The following DENND6A variants were observed in gnomAD, a reference collection of about 807,000 sequenced individuals.
The protein encoded by DENND6A is DENN domain containing 6A, also known as protein DENND6A.
DENND6A carries 43 observed loss-of-function variants against 95.5 expected under a neutral mutation model. That is an observed-to-expected ratio of 0.45 (90% CI 0.35 to 0.58). DENND6A has a LOEUF of 0.58. Ranked by LOEUF, DENND6A falls within the 20% of genes least tolerant of loss-of-function variation. DENND6A has a pLI of 0.00. For missense variants in DENND6A, 574 were observed against 736.0 expected, an observed-to-expected ratio of 0.78 and a Z score of 2.55; for synonymous variants, 257 against 260.4, an observed-to-expected ratio of 0.99 and a Z score of 0.13.
At chr3:57,637,818 TAAATA>T (rs2070830788) in intron 12 of DENND6A, among the ~76,000 whole-genome samples, 2 of 112,202 alleles carry the variant, frequency 1.8e-5, no homozygotes, top group Non-Finnish European at 3.9e-5. Context: ...AAAAAATAAA[TAAATA>T]AGACTATTAA....
At chr3:57,629,636 C>T (rs748978908) in intron 18 of DENND6A, among the ~76,000 whole-genome samples, 2 of 150,982 alleles carry the variant, frequency 1.3e-5, no homozygotes, top group Non-Finnish European at 3.0e-5. Flanking sequence ...CTCAGCCTCC[C>T]GAGTAGCTGG....
chr3:57,631,035 C>T, intron 15 of DENND6A, 57 bp from the exon 16 acceptor site: 2 of 1,546,666 alleles, frequency 1.3e-6, no homozygotes, highest in Non-Finnish European at 1.8e-6. Flanking sequence ...TTAAACAGAC[C>T]TACTTAAAAG....
chr3:57,673,010 T>C (rs1192889466), intron 1 of DENND6A, among the ~76,000 whole-genome samples: 1 of 149,254 alleles, frequency 6.7e-6, no homozygotes. Flanking sequence ...ACGTGCAGAG[T>C]TCAATACCAG....
In DENND6A at chr3:57,666,232, C is replaced by A. The variant is rs1575850686; in HGVS notation, c.323G>T (p.Cys108Phe). The change falls in exon 4 of 20, where the codon TGT becomes TTT. Residue 108 changes from cysteine to phenylalanine, a missense_variant. Around this residue, in one of 2 missense-constraint regions of DENND6A, gnomAD observed 452 missense variants for 630.9 expected, o/e 0.72. Transcript: ENST00000311128. ...YLSFPDSNSG[C>F]LGDTQFCFRF... ...AAAACAAAACTGGGTATCTCCAAGACAACCTAATGAAAATAAAAATGAAAT... is the reference window on the plus strand; with the variant it reads ...AAAACAAAACTGGGTATCTCCAAGAAAACCTAATGAAAATAAAAATGAAAT... 1 of 1,608,556 alleles carries A rather than the reference C, an allele frequency of 6.2e-7. No individual in the cohort carries two copies. Among genetic ancestry groups the A allele is most frequent in the Non-Finnish European group, 8.5e-7 (1 of 1,176,400 alleles).
chr3:57,675,105 A>G lies in DENND6A; in HGVS notation c.238-2667T>C, dbSNP rs1469953245. On this transcript the variant is annotated intron_variant, in intron 1 of 19. Transcript: ENST00000311128. ...GAGTTTATGTACATGTTTATGTAAC[A>G]AACTTTTACATGTACCCAGAAACCT... Among the ~76,000 whole-genome samples, 8 of 152,382 alleles carry G rather than the reference A, an allele frequency of 5.2e-5. No homozygotes were observed. In the East Asian group the frequency reaches 1.5e-3, roughly 29 times the overall value.
intron 18 of DENND6A, among the ~76,000 whole-genome samples, chr3:57,630,150 G>A (rs2070633810): frequency 6.6e-6 from 1 of 152,178 alleles, no homozygotes; most frequent in South Asian, 2.1e-4. Flanking sequence ...GCAGGGATGT[G>A]ATCTGAGGCA....
intron 14 of DENND6A, among the ~76,000 whole-genome samples, chr3:57,633,776 G>A (rs527790749): frequency 6.6e-6 from 1 of 152,014 alleles, no homozygotes; most frequent in South Asian, 2.1e-4. Flanking sequence ...TGTAATCCCA[G>A]CTACTTGGAA....
At position 57,652,142 on chromosome 3, in the gene DENND6A, G is replaced by A. The variant is rs150053870; in HGVS notation, c.818+5538C>T. ...GCCTAATTCTCCCGTTCTTGAGCGC[G>A]GACTGGATTACTGGTTTGATTGTAA... On this transcript the variant is annotated intron_variant, in intron 9 of 19. Coordinates refer to ENST00000311128, the MANE Select transcript of DENND6A (RefSeq NM_152678.3). 8.5e-4 allele frequency among the ~76,000 whole-genome samples: 130 copies of A among 152,300 alleles called. No individual in the cohort carries two copies. In the Middle Eastern group the frequency reaches 0.027, roughly 32 times the overall value.
intron 1 of DENND6A, 35 bp downstream of exon 1, chr3:57,692,747 G>T: frequency 2.1e-6 from 3 of 1,417,228 alleles, no homozygotes; most frequent in South Asian, 3.0e-5. Flanking sequence ...CGGCGCAGGG[G>T]AGGAGCGCCG....
chr3:57,646,233 G>C, intron 10 of DENND6A, 83 bp downstream of exon 10: 4 of 1,515,978 alleles, frequency 2.6e-6, no homozygotes, highest in Non-Finnish European at 3.5e-6. Flanking sequence ...ACGACAGGTG[G>C]GAAGTGCTGC....
chr3:57,639,109 A>C (rs140689950), intron 12 of DENND6A, among the ~76,000 whole-genome samples: 197 of 152,284 alleles, frequency 1.3e-3, no homozygotes, highest in African/African-American at 4.6e-3. Context: ...CACACACACA[A>C]AAAGACAAAA....
intron 12 of DENND6A, 108 bp from the exon 13 acceptor site, chr3:57,634,877 G>A (rs1349733044): frequency 4.4e-6 from 4 of 904,984 alleles, no homozygotes; most frequent in Non-Finnish European, 4.7e-6. Context: ...ATGTTATAAT[G>A]AAAGGATTCT....
intron 12 of DENND6A, among the ~76,000 whole-genome samples, chr3:57,635,938 G>A (rs901969340): frequency 6.6e-6 from 1 of 151,998 alleles, no homozygotes; most frequent in African/African-American, 2.4e-5. Flanking sequence ...CTTTTATGAT[G>A]ATCCACTTCC....
chr3:57,688,206 C>T (rs903229513), intron 1 of DENND6A, among the ~76,000 whole-genome samples: 4 of 151,908 alleles, frequency 2.6e-5, no homozygotes, highest in Admixed American at 6.6e-5. Flanking sequence ...ATGTTGGCTA[C>T]GGCGGTCTCG....
At chr3:57,630,345 A>G in intron 18 of DENND6A, 76 bp downstream of exon 18, 2 of 1,317,700 alleles carry the variant, frequency 1.5e-6, no homozygotes, top group Non-Finnish European at 2.1e-6. Context: ...TAAAGGGTAC[A>G]ATCTTCAACT....
At chr3:57,681,043 T>G (rs1422018264) in intron 1 of DENND6A, among the ~76,000 whole-genome samples, 1 of 152,140 alleles carries the variant, frequency 6.6e-6, no homozygotes, top group Admixed American at 6.6e-5. Flanking sequence ...TAGGTATATA[T>G]CCAAGAAAAG....
At chr3:57,667,792 A>G (rs1389198231) in intron 3 of DENND6A, among the ~76,000 whole-genome samples, 14 of 152,188 alleles carry the variant, frequency 9.2e-5, no homozygotes, top group Non-Finnish European at 1.9e-4. Flanking sequence ...TAGACCAGAC[A>G]CAGTGGCTCA....
In DENND6A at chr3:57,668,015, G is replaced by A. The variant is rs1039091418; in HGVS notation, c.320-1780C>T. On this transcript the variant is annotated intron_variant, in intron 3 of 19. Transcript: ENST00000311128. ...CAGTAGGCAGAGGTTGCAGTGAGCC[G>A]AGATCACACCACTACCTCCAGCCTG... Among the ~76,000 whole-genome samples the A allele has an allele frequency of 4.6e-5, 7 of 151,136 alleles. 1 individual carries two copies. The highest frequency in any genetic ancestry group is 1.5e-4 in the African/African-American group (6 of 41,160).
At chr3:57,629,507 CTTTTTTTT>C (rs1165802821) in intron 18 of DENND6A, among the ~76,000 whole-genome samples, 8 of 98,230 alleles carry the variant, frequency 8.1e-5, no homozygotes, top group African/African-American at 3.1e-4. Context: ...AATCAGTCCG[CTTTTTTTT>C]TTTTTTTTTT....
Sources: gnomAD v4.1 joint callset for allele counts (sites outside exome capture counted in the v4.1 genomes callset) on GRCh38, gnomAD v4.1.1 for gene constraint, gnomAD v4.1.1 regional missense constraint, MANE v1.5 for transcripts, NCBI Gene and HGNC (gene_info 2026-07-23, HGNC 2026-07-21) for gene names.